Variants in ALKBH8 observed in about 807,000 individuals in gnomAD.
ALKBH8 encodes tRNA (carboxymethyluridine(34)-5-O)-methyltransferase ALKBH8.
In ALKBH8, 36 loss-of-function variants were observed where a neutral mutation model predicts 59.8. The ratio of observed to expected loss-of-function variants is 0.60; its 90% CI spans 0.46 to 0.79. The LOEUF is 0.79. Ranked by LOEUF, ALKBH8 falls within the 30% of genes least tolerant of loss-of-function variation. The pLI is 0.00. For synonymous variants in ALKBH8, 276 were observed against 273.6 expected (o/e 1.01, Z -0.09); for missense variants, 768 against 801.0 (o/e 0.96, Z 0.50).
At chr11:107,541,053 CT>C (rs1206215598) in intron 7 of ALKBH8, among the ~76,000 whole-genome samples, 2 of 152,138 alleles carry the variant, frequency 1.3e-5, no homozygotes, top group African/African-American at 4.8e-5. Flanking sequence ...AATGAGACAG[CT>C]AGAGTAATAA....
chr11:107,523,667 A>C lies in ALKBH8; in HGVS notation c.1031-1112T>G, dbSNP rs1004779158. ...GGCCAGGCTAGAGTGCAGTGGCATG[A>C]TATCGGCTCACTGCAACCTCCGCCT... On this transcript the variant is annotated intron_variant, in intron 9 of 11. Coordinates refer to ENST00000428149, the MANE Select transcript of ALKBH8 (RefSeq NM_138775.3). Among the ~76,000 whole-genome samples the C allele has an allele frequency of 5.5e-5, 8 of 144,902 alleles. No individual in the cohort carries two copies. In the South Asian group the frequency reaches 8.7e-4, roughly 16 times the overall value.
chr11:107,562,070 G>C (rs1381848142), intron 1 of ALKBH8, among the ~76,000 whole-genome samples: 1 of 152,174 alleles, frequency 6.6e-6, no homozygotes, highest in Non-Finnish European at 1.5e-5. Context: ...GGCCAAGGCA[G>C]GCAGATCACT....
chr11:107,518,578 C>T (rs187885490), intron 10 of ALKBH8, among the ~76,000 whole-genome samples: 1 of 152,372 alleles, frequency 6.6e-6, no homozygotes, highest in Non-Finnish European at 1.5e-5. Context: ...GGGCGGAAAA[C>T]TGCTTAAAGG....
intron 8 of ALKBH8, 106 bp from the exon 9 acceptor site, chr11:107,525,698 AAAT>A: frequency 1.3e-6 from 1 of 771,542 alleles, no homozygotes; most frequent in Non-Finnish European, 1.8e-6. Flanking sequence ...AATTTATTAC[AAAT>A]ATCTATTGGA....
At chr11:107,560,974 C>T (rs1864914516) in intron 1 of ALKBH8, 75 bp from the exon 2 acceptor site, 1 of 1,301,282 alleles carries the variant, frequency 7.7e-7, no homozygotes, top group Non-Finnish European at 1.0e-6. Flanking sequence ...GTTATTCATA[C>T]ATTCTATAGT....
chr11:107,561,022 C>A lies in ALKBH8; in HGVS notation c.-6-123G>T, dbSNP rs892335176. 8.3e-6 allele frequency: 7 copies of A among 840,204 alleles called. No individual in the cohort carries two copies. The Admixed American group carries it at 2.1e-4, about 25-fold the overall frequency. 52.0% of individuals were successfully genotyped at this position (840,204 alleles called of 1,614,324 possible). On this transcript the variant is annotated intron_variant, in intron 1 of 11. Coordinates refer to ENST00000428149, the MANE Select transcript of ALKBH8 (RefSeq NM_138775.3). Reference sequence around the variant, plus strand: ...CTGTGACAATTTTTTAAAAATGCTTCATTTACCTTGTACCAACTAAGAGAA... The same window carrying A: ...CTGTGACAATTTTTTAAAAATGCTTAATTTACCTTGTACCAACTAAGAGAA...
At chr11:107,565,456 G>C in intron 1 of ALKBH8, 145 bp downstream of exon 1, 1 of 1,135,168 alleles carries the variant, frequency 8.8e-7, no homozygotes, top group South Asian at 1.5e-5. Context: ...TGCCCACACT[G>C]CACCAAGGGC....
chr11:107,564,414 T>G (rs146089844), intron 1 of ALKBH8, among the ~76,000 whole-genome samples: 319 of 152,210 alleles, frequency 2.1e-3, no homozygotes, highest in Middle Eastern at 0.01. Flanking sequence ...TAATAATTAA[T>G]AGCAAAGATT....
At chr11:107,540,318 G>A (rs1345810079) in intron 7 of ALKBH8, among the ~76,000 whole-genome samples, 1 of 152,074 alleles carries the variant, frequency 6.6e-6, no homozygotes, top group African/African-American at 2.4e-5. Context: ...TCCAAAACTA[G>A]GCCTCAGCTG....
chr11:107,518,714 T>C (rs1862976700), intron 10 of ALKBH8, among the ~76,000 whole-genome samples: 1 of 152,290 alleles, frequency 6.6e-6, no homozygotes, highest in Non-Finnish European at 1.5e-5. Flanking sequence ...GGGATACTTT[T>C]AGTTAATCCC....
At chr11:107,544,197 A>T (rs539085781) in intron 7 of ALKBH8, among the ~76,000 whole-genome samples, 12 of 152,356 alleles carry the variant, frequency 7.9e-5, no homozygotes, top group African/African-American at 2.9e-4. Context: ...ACATAGTTCT[A>T]ACTGAAAAGA....
In ALKBH8 at chr11:107,504,138, G is replaced by A. The variant is rs1862279598; in HGVS notation, c.*520C>T. 1 of 194,714 alleles carries A rather than the reference G, an allele frequency of 5.1e-6. No individual in the cohort carries two copies. The highest frequency in any genetic ancestry group is 1.0e-5 in the Non-Finnish European group (1 of 97,236). 12.1% of individuals were successfully genotyped at this position (194,714 alleles called of 1,614,324 possible). On this transcript the variant is annotated 3_prime_UTR_variant, in exon 12 of 12. Coordinates refer to ENST00000428149, the MANE Select transcript of ALKBH8 (RefSeq NM_138775.3). Reference sequence around the variant, plus strand: ...TCCTACTAAGTTCTGGGTATTATCTGATTGACTAAACGTTATTGGACACCC... The same window carrying A: ...TCCTACTAAGTTCTGGGTATTATCTAATTGACTAAACGTTATTGGACACCC...
At chr11:107,547,628 A>C (rs1864319122) in intron 7 of ALKBH8, among the ~76,000 whole-genome samples, 1 of 152,014 alleles carries the variant, frequency 6.6e-6, no homozygotes, top group Admixed American at 6.6e-5. Context: ...TAGTATTATA[A>C]GCTGAAACAA....
At chr11:107,512,065 AC>A (rs1379114970) in intron 10 of ALKBH8, among the ~76,000 whole-genome samples, 1 of 152,034 alleles carries the variant, frequency 6.6e-6, no homozygotes, top group Admixed American at 6.6e-5. Context: ...AACAGGTGAG[AC>A]CTAGCATGCC....
chr11:107,565,507 A>C (rs1865096284), intron 1 of ALKBH8, 94 bp downstream of exon 1: 2 of 1,520,822 alleles, frequency 1.3e-6, no homozygotes, highest in East Asian at 4.9e-5. Flanking sequence ...TCTCAGCCCT[A>C]GCTGGCAAGG....
chr11:107,522,432 T>C lies in ALKBH8; in HGVS notation c.1154A>G (p.His385Arg). 6.4e-7 allele frequency: 1 copy of C among 1,551,792 alleles called. No individual in the cohort carries two copies. The highest frequency in any genetic ancestry group is 1.7e-4 in the Middle Eastern group (1 of 5,994). Residue 385 changes from histidine (H) to arginine (R), a missense_variant, in exon 10 of 12, where the codon CAC (histidine) becomes CGC (arginine). Transcript: ENST00000428149. ...VHQVYEEIAG[H>R]FSSTRHTPWP... Reference sequence around the variant, plus strand: ...AGGGGTATGTCTTGTGCTGCTGAAGTGCCCAGCAATCTCTTCATAAACCTG... The same window carrying C: ...AGGGGTATGTCTTGTGCTGCTGAAGCGCCCAGCAATCTCTTCATAAACCTG...
rs140205363 is a variant in ALKBH8 at position 107,525,798 on chromosome 11, G to A, written c.879-206C>T. Among the ~76,000 whole-genome samples, 39 of 151,670 alleles carry A rather than the reference G, an allele frequency of 2.6e-4. No homozygotes were observed. The East Asian group carries it at 6.0e-3, about 23-fold the overall frequency. On this transcript the variant is annotated intron_variant, in intron 8 of 11. Coordinates refer to ENST00000428149, the MANE Select transcript of ALKBH8 (RefSeq NM_138775.3). ...TTCATGACAATAATATTAAAAGAAT[G>A]TACAACAAATTATTCCATGGGAAAA...
chr11:107,504,557 T>TC lies in ALKBH8; in HGVS notation c.*100dup, dbSNP rs1862294748. The TC allele has an allele frequency of 6.9e-7, 1 of 1,445,846 alleles. No homozygotes were observed. The highest frequency in any genetic ancestry group is 2.0e-5 in the Admixed American group (1 of 50,430). The allele number at this position is 1,445,846 out of a possible 1,614,324, so 89.6% of individuals were successfully genotyped here. A position where few individuals can be genotyped will look rare whatever the true frequency, so the allele number is the denominator to read the frequency against. On this transcript the variant is annotated 3_prime_UTR_variant, in exon 12 of 12. Transcript: ENST00000428149. ...TTTTCTCAGCTTTCCTTTGGTACTTTCCCACAAGTTTTCTCTTTAATTAAA... is the reference window on the plus strand; with the variant it reads ...TTTTCTCAGCTTTCCTTTGGTACTTTCCCCACAAGTTTTCTCTTTAATTAAA...
chr11:107,545,775 T>C (rs1274957096), intron 7 of ALKBH8, among the ~76,000 whole-genome samples: 1 of 152,166 alleles, frequency 6.6e-6, no homozygotes, highest in Non-Finnish European at 1.5e-5. Context: ...GCCAGTGCAA[T>C]GCAAACCCAA....
Sources: allele counts gnomAD v4.1 joint callset (sites outside exome capture counted in the v4.1 genomes callset), GRCh38; gene constraint gnomAD v4.1.1; transcripts MANE v1.5; gene names NCBI Gene and HGNC (gene_info 2026-07-23, HGNC 2026-07-21).